Variants in GCH1 observed in about 807,000 individuals in gnomAD.
GCH1 encodes the protein GTP cyclohydrolase I.
A neutral mutation model predicts 25.9 loss-of-function variants in GCH1; 5 were observed. The observed-to-expected ratio is 0.19, with a 90% CI of 0.10 to 0.41. The LOEUF is 0.41. Among genes scored for constraint, GCH1 ranks in the 10% least tolerant of loss-of-function variants. The pLI, the probability that GCH1 is intolerant of heterozygous loss-of-function variation, is 1.00. For synonymous variants in GCH1, 159 were observed against 129.6 expected (o/e 1.23, Z -1.54); for missense variants, 261 against 336.5 (o/e 0.78, Z 1.75).
At chr14:54,851,319 C>T (rs1405141701) in intron 3 of GCH1, among the ~76,000 whole-genome samples, 1 of 152,142 alleles carries the variant, frequency 6.6e-6, no homozygotes, top group African/African-American at 2.4e-5. Context: ...TGGGCAAGGA[C>T]TTCATGACTA....
At chr14:54,861,553 T>G (rs1482530699) in intron 2 of GCH1, among the ~76,000 whole-genome samples, 1 of 151,650 alleles carries the variant, frequency 6.6e-6, no homozygotes, top group Non-Finnish European at 1.5e-5. Context: ...TGAGACCCCA[T>G]CTCTACTAAA....
At chr14:54,872,853 C>T (rs2040101194) in intron 1 of GCH1, among the ~76,000 whole-genome samples, 1 of 152,116 alleles carries the variant, frequency 6.6e-6, no homozygotes, top group African/African-American at 2.4e-5. Context: ...ATTCATAAAG[C>T]AAGTCCTTAG....
chr14:54,869,986 T>C (rs932024019), intron 1 of GCH1, among the ~76,000 whole-genome samples: 3 of 152,062 alleles, frequency 2.0e-5, no homozygotes, highest in African/African-American at 7.2e-5. Flanking sequence ...ACTATAGTGA[T>C]AGAAGGCAGA....
chr14:54,896,748 T>G (rs1436461903), intron 1 of GCH1, among the ~76,000 whole-genome samples: 1 of 147,690 alleles, frequency 6.8e-6, no homozygotes, highest in Non-Finnish European at 1.5e-5. Context: ...CCATCTCTAC[T>G]AAAAAAATAC....
Position 54,851,100 on chromosome 14 carries a change from C to A in GCH1, c.510-3970G>T, listed in dbSNP as rs148208429. Among the ~76,000 whole-genome samples the A allele has an allele frequency of 2.3e-3, 349 of 152,300 alleles. 3 individuals are homozygous for A. Among genetic ancestry groups the A allele is most frequent in the African/African-American group, 8.0e-3 (331 of 41,564 alleles). ...TACCACACATCTACAGCCATCTGATCTTTGACAAACATGACAAAAACAAGA... is the reference window on the plus strand; with the variant it reads ...TACCACACATCTACAGCCATCTGATATTTGACAAACATGACAAAAACAAGA... On this transcript the variant is annotated intron_variant, in intron 3 of 5. Coordinates refer to ENST00000491895, the MANE Select transcript of GCH1 (RefSeq NM_000161.3).
At chr14:54,844,169 T>A (rs1337050888) in intron 5 of GCH1, 26 bp from the exon 6 acceptor site, 3 of 1,509,240 alleles carry the variant, frequency 2.0e-6, no homozygotes, top group Non-Finnish European at 1.8e-6. Flanking sequence ...ACACAGGTTG[T>A]TTAAAGGAGT....
chr14:54,890,190 A>C (rs569625066), intron 1 of GCH1, among the ~76,000 whole-genome samples: 4 of 152,332 alleles, frequency 2.6e-5, no homozygotes, highest in Admixed American at 1.3e-4. Flanking sequence ...ACGAGAAAGA[A>C]TAATTGCAGA....
intron 5 of GCH1, among the ~76,000 whole-genome samples, chr14:54,845,053 A>T (rs918573697): frequency 5.3e-5 from 8 of 151,956 alleles, no homozygotes; most frequent in African/African-American, 1.9e-4. Context: ...GGCACCTGTA[A>T]TCCCAGCTAT....
At chr14:54,872,568 T>A (rs1159795927) in intron 1 of GCH1, among the ~76,000 whole-genome samples, 1 of 152,042 alleles carries the variant, frequency 6.6e-6, no homozygotes, top group Non-Finnish European at 1.5e-5. Context: ...GGATAAAAAG[T>A]CAAGACCCAT....
chr14:54,900,489 G>A (rs1202248741), intron 1 of GCH1, among the ~76,000 whole-genome samples: 1 of 152,224 alleles, frequency 6.6e-6, no homozygotes, highest in Non-Finnish European at 1.5e-5. Context: ...TGGGATTACA[G>A]GCGTGAGCAC....
Position 54,854,314 on chromosome 14 carries a change from G to A in GCH1, c.509+5367C>T, listed in dbSNP as rs147142675. ...GAGATGAGAGGCAGGGAGGAGGCAGGAGCTTAACATTCCCTCCAGGAGGAA... is the reference window on the plus strand; with the variant it reads ...GAGATGAGAGGCAGGGAGGAGGCAGAAGCTTAACATTCCCTCCAGGAGGAA... On this transcript the variant is annotated intron_variant, in intron 3 of 5. Coordinates refer to ENST00000491895, the MANE Select transcript of GCH1 (RefSeq NM_000161.3). 1.7e-3 allele frequency among the ~76,000 whole-genome samples: 252 copies of A among 152,292 alleles called. 1 individual carries two copies. The highest frequency in any genetic ancestry group is 5.8e-3 in the African/African-American group (241 of 41,562).
At position 54,843,983 on chromosome 14, in the gene GCH1, G is replaced by A. The variant is rs757193609; in HGVS notation, c.*34C>T. The A allele has an allele frequency of 2.5e-5, 41 of 1,614,030 alleles. No homozygotes were observed. Among genetic ancestry groups the A allele is most frequent in the East Asian group, 1.8e-4 (8 of 44,902 alleles). On this transcript the variant is annotated 3_prime_UTR_variant, in exon 6 of 6. Coordinates refer to ENST00000491895, the MANE Select transcript of GCH1 (RefSeq NM_000161.3). ...AGACAGACAATGCTACTGGCAGTACGATCGGCAACCAACGCACACACACTG... is the reference window on the plus strand; with the variant it reads ...AGACAGACAATGCTACTGGCAGTACAATCGGCAACCAACGCACACACACTG...
intron 3 of GCH1, among the ~76,000 whole-genome samples, chr14:54,850,068 G>A (rs1036839837): frequency 2.0e-5 from 3 of 151,356 alleles, no homozygotes; most frequent in Non-Finnish European, 4.4e-5. Flanking sequence ...TCCACCTCCC[G>A]CATTCAAGCA....
intron 1 of GCH1, among the ~76,000 whole-genome samples, chr14:54,872,318 C>G (rs1023370743): frequency 2.1e-4 from 32 of 152,052 alleles, no homozygotes; most frequent in African/African-American, 4.1e-4. Context: ...GTCACCACCA[C>G]GCCTGCCCTA....
intron 1 of GCH1, among the ~76,000 whole-genome samples, chr14:54,867,363 G>T (rs970780603): frequency 6.6e-6 from 1 of 151,972 alleles, no homozygotes; most frequent in Non-Finnish European, 1.5e-5. Flanking sequence ...AGAGGTAGGT[G>T]GATCACCTGA....
At chr14:54,886,149 G>T in intron 1 of GCH1, 1 of 157,748 alleles carries the variant, frequency 6.3e-6, no homozygotes. Context: ...TGACAACCTG[G>T]GAGAAGTCCT....
rs193143139 is a variant in GCH1 at position 54,884,242 on chromosome 14, A to C, written c.343+18079T>G. On this transcript the variant is annotated intron_variant, in intron 1 of 5. Transcript: ENST00000491895. ...TAAATGAAAACTTGTGGGCTGAGACAAAACAATATGATTGTATTGAAGATT... is the reference window on the plus strand; with the variant it reads ...TAAATGAAAACTTGTGGGCTGAGACCAAACAATATGATTGTATTGAAGATT... Among the ~76,000 whole-genome samples, 472 of 152,320 alleles carry C rather than the reference A, an allele frequency of 3.1e-3. 2 individuals carry two copies. The highest frequency in any genetic ancestry group is 0.011 in the African/African-American group (450 of 41,562).
At chr14:54,860,475 G>C (rs1314849729) in intron 2 of GCH1, among the ~76,000 whole-genome samples, 1 of 151,444 alleles carries the variant, frequency 6.6e-6, no homozygotes, top group East Asian at 1.9e-4. Context: ...AGCACAGAAG[G>C]TCTCCACACC....
intron 1 of GCH1, among the ~76,000 whole-genome samples, chr14:54,866,981 C>T (rs780362468): frequency 1.3e-5 from 2 of 152,160 alleles, no homozygotes; most frequent in Non-Finnish European, 2.9e-5. Flanking sequence ...TCTGCCCTAC[C>T]TTCAGTCTTA....
Sources: gnomAD v4.1 joint callset for allele counts (sites outside exome capture counted in the v4.1 genomes callset) on GRCh38, gnomAD v4.1.1 for gene constraint, MANE v1.5 for transcripts, NCBI Gene and HGNC (gene_info 2026-07-23, HGNC 2026-07-21) for gene names.